Variants in RASAL2 observed in about 807,000 individuals in gnomAD.
RASAL2 encodes the protein RAS protein activator like 2.
Under a neutral mutation model 128.9 loss-of-function variants are expected in RASAL2, and 58 were observed. That is an observed-to-expected ratio of 0.45 (90% CI 0.36 to 0.56). RASAL2 has a LOEUF of 0.56. RASAL2 is among the 20% of genes least tolerant of loss of function. The pLI is 0.00. For missense variants in RASAL2, 1,360 were observed against 1,601.6 expected (o/e 0.85, Z 2.57); for synonymous variants, 561 against 580.8 (o/e 0.97, Z 0.49).
chr1:178,399,555 CAT>C (rs1673482055), intron 4 of RASAL2, among the ~76,000 whole-genome samples: 1 of 152,110 alleles, frequency 6.6e-6, no homozygotes, highest in African/African-American at 2.4e-5. Context: ...ACTGCTGAGT[CAT>C]AGTCTGGGGC....
At chr1:178,146,272 G>C (rs1660727562) in intron 1 of RASAL2, among the ~76,000 whole-genome samples, 1 of 152,236 alleles carries the variant, frequency 6.6e-6, no homozygotes, top group Non-Finnish European at 1.5e-5. Flanking sequence ...GAGAGGAATG[G>C]TTGTCCTTAT....
intron 1 of RASAL2, among the ~76,000 whole-genome samples, chr1:178,225,393 T>C (rs986363449): frequency 6.6e-6 from 1 of 152,000 alleles, no homozygotes; most frequent in Non-Finnish European, 1.5e-5. Flanking sequence ...TTCTACCGTG[T>C]ACATACTGAT....
At chr1:178,280,774 C>A (rs947387337) in intron 1 of RASAL2, among the ~76,000 whole-genome samples, 1 of 152,050 alleles carries the variant, frequency 6.6e-6, no homozygotes, top group African/African-American at 2.4e-5. Context: ...TAAGATTCTT[C>A]TGTGTGATTC....
intron 1 of RASAL2, among the ~76,000 whole-genome samples, chr1:178,151,354 G>A (rs1454313532): frequency 1.3e-5 from 2 of 152,040 alleles, no homozygotes; most frequent in East Asian, 1.9e-4. Flanking sequence ...GCAGTGAGCC[G>A]AGATCGCACC....
At chr1:178,278,932 C>G (rs1054107043) in intron 1 of RASAL2, among the ~76,000 whole-genome samples, 9 of 152,162 alleles carry the variant, frequency 5.9e-5, no homozygotes, top group African/African-American at 2.2e-4. Context: ...GAAGGGTTAA[C>G]ACATGAGAGA....
At chr1:178,362,682 A>G (rs189484637) in intron 3 of RASAL2, among the ~76,000 whole-genome samples, 12 of 150,402 alleles carry the variant, frequency 8.0e-5, no homozygotes, top group African/African-American at 2.4e-4. Context: ...CTTTGTTGCT[A>G]TCTGTGTATT....
chr1:178,362,635 TC>T (rs1671184110), intron 3 of RASAL2, among the ~76,000 whole-genome samples: 1 of 152,166 alleles, frequency 6.6e-6, no homozygotes, highest in South Asian at 2.1e-4. Flanking sequence ...ACCTAATTCT[TC>T]CCATTTTCTC....
At chr1:178,392,776 G>T (rs578157462) in intron 4 of RASAL2, among the ~76,000 whole-genome samples, 2 of 152,274 alleles carry the variant, frequency 1.3e-5, no homozygotes, top group African/African-American at 2.4e-5. Context: ...GCCTTAAGGA[G>T]ATCAAGGAGA....
intron 3 of RASAL2, among the ~76,000 whole-genome samples, chr1:178,307,109 C>T (rs2102290427): frequency 6.6e-6 from 1 of 151,824 alleles, no homozygotes; most frequent in South Asian, 2.1e-4. Flanking sequence ...ATCATTATTT[C>T]ATTTTTTAAA....
chr1:178,119,976 C>CAGAA (rs1659656178), intron 1 of RASAL2, among the ~76,000 whole-genome samples: 5 of 152,232 alleles, frequency 3.3e-5, no homozygotes, highest in African/African-American at 4.8e-5. Context: ...AAGGGTTTCT[C>CAGAA]AGCTTTAGCA....
intron 14 of RASAL2, among the ~76,000 whole-genome samples, chr1:178,461,478 T>C (rs966197844): frequency 6.6e-6 from 1 of 152,184 alleles, no homozygotes; most frequent in African/African-American, 2.4e-5. Context: ...TCTTAATTTT[T>C]TAACCCATTT....
At chr1:178,263,725 T>TA (rs528017087) in intron 1 of RASAL2, among the ~76,000 whole-genome samples, 21 of 148,790 alleles carry the variant, frequency 1.4e-4, no homozygotes, top group South Asian at 4.3e-4. Flanking sequence ...TAAAATCGTT[T>TA]AAAAAAAAAA....
chr1:178,467,552 G>C (rs939033069), intron 17 of RASAL2, 131 bp downstream of exon 17: 1 of 699,578 alleles, frequency 1.4e-6, no homozygotes, highest in Non-Finnish European at 2.5e-6. Flanking sequence ...GCTACATTTT[G>C]AAGATTAAAT....
At chr1:178,374,481 A>T (rs543568099) in intron 3 of RASAL2, among the ~76,000 whole-genome samples, 1 of 152,126 alleles carries the variant, frequency 6.6e-6, no homozygotes. Context: ...TGTGCTGGTT[A>T]GGATCTACTA....
chr1:178,455,627 A>G (rs967291123), intron 12 of RASAL2, among the ~76,000 whole-genome samples: 1 of 152,248 alleles, frequency 6.6e-6, no homozygotes, highest in Non-Finnish European at 1.5e-5. Context: ...TAGAAATGCT[A>G]GCTAGATTTT....
chr1:178,418,719 T>A (rs142259433), intron 4 of RASAL2, among the ~76,000 whole-genome samples: 329 of 152,346 alleles, frequency 2.2e-3, no homozygotes, highest in Middle Eastern at 0.014. Flanking sequence ...TCACCAAATA[T>A]TTTCAGTTCC....
intron 3 of RASAL2, among the ~76,000 whole-genome samples, chr1:178,352,550 G>A (rs950677363): frequency 3.9e-5 from 6 of 152,128 alleles, no homozygotes; most frequent in Admixed American, 1.3e-4. Flanking sequence ...CAGGTGCAGG[G>A]TGCAAGCTCT....
At chr1:178,469,311 T>TA (rs1459906292) in intron 17 of RASAL2, among the ~76,000 whole-genome samples, 1 of 151,982 alleles carries the variant, frequency 6.6e-6, no homozygotes, top group Non-Finnish European at 1.5e-5. Flanking sequence ...AAAAATGTAA[T>TA]AGTCTTAAGC....
chr1:178,262,781 C>G (rs943721521), intron 1 of RASAL2, among the ~76,000 whole-genome samples: 1 of 150,598 alleles, frequency 6.6e-6, no homozygotes, highest in Non-Finnish European at 1.5e-5. Context: ...TCTCATCCCC[C>G]CTGCCCCCCA....
Sources: gnomAD v4.1 joint callset for allele counts (sites outside exome capture counted in the v4.1 genomes callset) on GRCh38, gnomAD v4.1.1 for gene constraint, MANE v1.5 for transcripts, NCBI Gene and HGNC (gene_info 2026-07-23, HGNC 2026-07-21) for gene names.